Variants in CACNA2D3 observed in about 807,000 individuals in gnomAD.
CACNA2D3 encodes the protein voltage-dependent calcium channel subunit alpha-2/delta-3.
A neutral mutation model predicts 160.6 loss-of-function variants in CACNA2D3; 60 were observed. The observed-to-expected ratio is 0.37, with a 90% CI of 0.30 to 0.46. The LOEUF is 0.46. Ranked by LOEUF, CACNA2D3 falls within the 20% of genes least tolerant of loss-of-function variation. CACNA2D3 has a pLI of 1.00. For missense variants in CACNA2D3, 1,205 were observed against 1,365.0 expected, an observed-to-expected ratio of 0.88 and a Z score of 1.85; for synonymous variants, 558 against 492.9, an observed-to-expected ratio of 1.13 and a Z score of -1.75.
chr3:54,799,881 T>TGTA (rs1402022908), intron 13 of CACNA2D3, among the ~76,000 whole-genome samples: 10 of 152,190 alleles, frequency 6.6e-5, no homozygotes, highest in Non-Finnish European at 1.0e-4. Context: ...CTTCCTCTAC[T>TGTA]GTGTCCCCAT....
chr3:54,321,591 C>T (rs62256086), intron 3 of CACNA2D3, among the ~76,000 whole-genome samples: 32,362 of 152,096 alleles, frequency 0.21, 3,697 homozygotes, highest in South Asian at 0.34. Flanking sequence ...GTAACACCTC[C>T]GTGGTGGATG....
At chr3:54,883,817 C>CTCTCTCTCTCTCTCTCTCTCTCTCTG (rs1699861698) in intron 21 of CACNA2D3, among the ~76,000 whole-genome samples, 2 of 143,162 alleles carry the variant, frequency 1.4e-5, no homozygotes, top group Non-Finnish European at 3.1e-5. Flanking sequence ...CTCTCTCTCT[C>CTCTCTCTCTCTCTCTCTCTCTCTCTG]TCTCTCCTCT....
At chr3:54,502,542 A>C (rs757354050) in intron 4 of CACNA2D3, among the ~76,000 whole-genome samples, 3 of 152,174 alleles carry the variant, frequency 2.0e-5, no homozygotes, top group African/African-American at 4.8e-5. Flanking sequence ...TTTTTCCATT[A>C]GCCTCTAGAG....
intron 2 of CACNA2D3, among the ~76,000 whole-genome samples, chr3:54,301,137 G>C (rs1445043411): frequency 6.6e-6 from 1 of 151,986 alleles, no homozygotes; most frequent in African/African-American, 2.4e-5. Flanking sequence ...CAGATGTGTA[G>C]TCCCAGCTAC....
intron 9 of CACNA2D3, among the ~76,000 whole-genome samples, chr3:54,591,794 T>TTATG (rs1702865648): frequency 1.3e-5 from 2 of 152,088 alleles, no homozygotes; most frequent in African/African-American, 2.4e-5. Context: ...GGATGGAGAA[T>TTATG]TATGACCTTC....
At chr3:54,737,491 A>C (rs1701557827) in intron 11 of CACNA2D3, among the ~76,000 whole-genome samples, 1 of 152,178 alleles carries the variant, frequency 6.6e-6, no homozygotes, top group Non-Finnish European at 1.5e-5. Flanking sequence ...CAGGTGTCAA[A>C]GGAATTTTTT....
chr3:54,676,959 G>A (rs141573407), intron 11 of CACNA2D3, among the ~76,000 whole-genome samples: 2,858 of 152,252 alleles, frequency 0.019, 42 homozygotes, highest in Middle Eastern at 0.048. Context: ...GGTTCAGCAC[G>A]TTCAGGGAGT....
intron 11 of CACNA2D3, among the ~76,000 whole-genome samples, chr3:54,644,212 G>A (rs1050128307): frequency 6.6e-6 from 1 of 151,970 alleles, no homozygotes; most frequent in Non-Finnish European, 1.5e-5. Flanking sequence ...TTCATTTTAG[G>A]CCAGATGCGT....
intron 35 of CACNA2D3, among the ~76,000 whole-genome samples, chr3:55,035,468 C>T (rs1408385311): frequency 2.0e-5 from 3 of 152,128 alleles, no homozygotes; most frequent in South Asian, 2.1e-4. Flanking sequence ...GATTAATGGA[C>T]CCTGATTAAA....
chr3:54,890,493 C>G (rs1700033855), intron 24 of CACNA2D3, among the ~76,000 whole-genome samples: 1 of 101,524 alleles, frequency 9.8e-6, no homozygotes, highest in South Asian at 3.2e-4. Context: ...CAGACTCCGT[C>G]TCAAAAAAAA....
chr3:55,043,325 T>C (rs936612583), intron 35 of CACNA2D3, among the ~76,000 whole-genome samples: 3 of 131,706 alleles, frequency 2.3e-5, no homozygotes, highest in African/African-American at 5.8e-5. Flanking sequence ...TCCCTCCCTC[T>C]CTTTCTTTCT....
rs1012285047 is a variant in CACNA2D3, at chr3:54,832,096, C to T, written c.1399-5063C>T. ...CTGTTGAGTTTATTTTATTCAGTCT[C>T]ATCGCCTCTCTGTGGCAAGGGGACA... On this transcript the variant is annotated intron_variant, in intron 14 of 37. Coordinates refer to ENST00000474759, the MANE Select transcript of CACNA2D3 (RefSeq NM_018398.3). 4.0e-5 allele frequency among the ~76,000 whole-genome samples: 6 copies of T among 150,932 alleles called. No homozygotes were observed. The South Asian group carries it at 1.0e-3, about 26-fold the overall frequency.
Position 54,908,612 on chromosome 3 carries a change from G to A in CACNA2D3, c.2449+8744G>A, listed in dbSNP as rs574953316. The stretch of plus-strand genomic sequence containing the variant: ...GGCACCTGTAGTCCCAGTTATTCAG[G>A]AGGCTGAGGTGGGAGGATAGCTTGA... On this transcript the variant is annotated intron_variant, in intron 27 of 37. Transcript: ENST00000474759. Among the ~76,000 whole-genome samples, 16 of 152,288 alleles carry A rather than the reference G, an allele frequency of 1.1e-4. No homozygotes were observed. The South Asian group carries it at 3.3e-3, about 32-fold the overall frequency.
intron 3 of CACNA2D3, among the ~76,000 whole-genome samples, chr3:54,333,174 G>C (rs919790206): frequency 1.3e-5 from 2 of 152,076 alleles, no homozygotes; most frequent in African/African-American, 4.8e-5. Context: ...TGGTGGAATA[G>C]AGGTGGTCGA....
intron 11 of CACNA2D3, among the ~76,000 whole-genome samples, chr3:54,717,865 CGT>C (rs1559557773): frequency 7.7e-6 from 1 of 130,360 alleles, no homozygotes; most frequent in African/African-American, 2.9e-5. Context: ...TATGTGCGTG[CGT>C]GTGTGTGGTG....
At chr3:54,182,163 T>G (rs1335474209) in intron 2 of CACNA2D3, among the ~76,000 whole-genome samples, 1 of 152,182 alleles carries the variant, frequency 6.6e-6, no homozygotes, top group African/African-American at 2.4e-5. Context: ...AAAATGACAG[T>G]GTTTTGGGTA....
intron 2 of CACNA2D3, among the ~76,000 whole-genome samples, chr3:54,241,567 G>T (rs999893175): frequency 3.3e-5 from 5 of 152,174 alleles, no homozygotes; most frequent in African/African-American, 1.2e-4. Context: ...GACCAATTTG[G>T]GTATGCCCAA....
chr3:54,725,855 G>T (rs905412872), intron 11 of CACNA2D3, among the ~76,000 whole-genome samples: 2 of 152,142 alleles, frequency 1.3e-5, no homozygotes, highest in African/African-American at 4.8e-5. Context: ...ACCAGCACAA[G>T]ACAAGGGTGC....
At chr3:54,284,459 T>C (rs1702959551) in intron 2 of CACNA2D3, among the ~76,000 whole-genome samples, 2 of 152,080 alleles carry the variant, frequency 1.3e-5, no homozygotes, top group Non-Finnish European at 2.9e-5. Flanking sequence ...ATGTTAACTT[T>C]AGGAGAAGTT....
Sources: allele counts gnomAD v4.1 joint callset (sites outside exome capture counted in the v4.1 genomes callset), GRCh38; gene constraint gnomAD v4.1.1; transcripts MANE v1.5; gene names NCBI Gene and HGNC (gene_info 2026-07-23, HGNC 2026-07-21).